RAB27B: variants seen among roughly 807,000 people sequenced by gnomAD.
RAB27B encodes ras-related protein Rab-27B.
A neutral mutation model predicts 24.6 loss-of-function variants in RAB27B; 15 were observed. The observed-to-expected ratio is 0.61, with a 90% CI of 0.41 to 0.94. The LOEUF is 0.94. Ranked by LOEUF, RAB27B falls within the 40% of genes least tolerant of loss-of-function variation. The pLI, the probability that RAB27B is intolerant of heterozygous loss-of-function variation, is 0.00. For synonymous variants in RAB27B, 105 were observed against 92.5 expected (o/e 1.14, Z -0.78); for missense variants, 261 against 266.8 (o/e 0.98, Z 0.15).
At chr18:54,782,122 T>C (rs1316097931) in intron 2 of RAB27B, among the ~76,000 whole-genome samples, 1 of 152,234 alleles carries the variant, frequency 6.6e-6, no homozygotes, top group African/African-American at 2.4e-5. Flanking sequence ...TAACATTCCA[T>C]TGTGCTCAGG....
At chr18:54,868,599 G>C (rs1322058931) in intron 1 of RAB27B, among the ~76,000 whole-genome samples, 1 of 56,648 alleles carries the variant, frequency 1.8e-5, no homozygotes, top group Non-Finnish European at 4.1e-5. Flanking sequence ...TAAACTCTCA[G>C]TTTCGTTGTT....
At chr18:54,841,163 G>A (rs1400821267) in intron 1 of RAB27B, among the ~76,000 whole-genome samples, 1 of 122,164 alleles carries the variant, frequency 8.2e-6, no homozygotes, top group African/African-American at 2.8e-5. Context: ...GCGGGGCGGT[G>A]GGGGGTTTGG....
intron 2 of RAB27B, among the ~76,000 whole-genome samples, chr18:54,785,900 G>T (rs1055558994): frequency 7.2e-5 from 11 of 152,166 alleles, no homozygotes; most frequent in African/African-American, 2.4e-4. Flanking sequence ...TTATCTTTCA[G>T]TTGTGACTAT....
At chr18:54,746,510 G>T (rs531431051) in intron 2 of RAB27B, among the ~76,000 whole-genome samples, 2 of 152,140 alleles carry the variant, frequency 1.3e-5, no homozygotes, top group South Asian at 4.1e-4. Flanking sequence ...ATTTTATACA[G>T]ATCAGAGATG....
intron 1 of RAB27B, among the ~76,000 whole-genome samples, chr18:54,873,477 A>G (rs1912558776): frequency 6.6e-6 from 1 of 152,208 alleles, no homozygotes; most frequent in Admixed American, 6.5e-5. Flanking sequence ...CAGTCATTGT[A>G]CAGGAATAAA....
At chr18:54,841,154 C>CAG (rs1555662075) in intron 1 of RAB27B, among the ~76,000 whole-genome samples, 2 of 8,642 alleles carry the variant, frequency 2.3e-4, no homozygotes, top group Non-Finnish European at 8.3e-4. Context: ...CTTTGGGTGG[C>CAG]GGGGCGGTGG....
intron 2 of RAB27B, among the ~76,000 whole-genome samples, chr18:54,793,063 G>C (rs1373811596): frequency 6.7e-6 from 1 of 150,092 alleles, no homozygotes; most frequent in Non-Finnish European, 1.5e-5. Flanking sequence ...GACCCATGCA[G>C]TTCAAACCCC....
intron 2 of RAB27B, among the ~76,000 whole-genome samples, chr18:54,788,942 T>C (rs1015009472): frequency 1.3e-5 from 2 of 152,218 alleles, no homozygotes; most frequent in African/African-American, 4.8e-5. Context: ...ATATGTGTGA[T>C]TTTCAGTGTT....
chr18:54,831,259 C>A (rs867815441), intron 1 of RAB27B, among the ~76,000 whole-genome samples: 2 of 151,954 alleles, frequency 1.3e-5, no homozygotes, highest in South Asian at 2.1e-4. Flanking sequence ...TGGAATGATC[C>A]ATGTAGATAT....
intron 1 of RAB27B, among the ~76,000 whole-genome samples, chr18:54,850,619 G>A (rs1478795871): frequency 6.6e-6 from 1 of 151,098 alleles, no homozygotes; most frequent in African/African-American, 2.4e-5. Flanking sequence ...ACCTATCCTG[G>A]CCTCCCAAAG....
At chr18:54,870,425 T>TA (rs1162476254) in intron 1 of RAB27B, among the ~76,000 whole-genome samples, 11 of 152,050 alleles carry the variant, frequency 7.2e-5, no homozygotes. Context: ...GGGAAAACAC[T>TA]AAAAAAATTT....
At chr18:54,753,112 A>G (rs1047132006) in intron 2 of RAB27B, among the ~76,000 whole-genome samples, 2 of 152,146 alleles carry the variant, frequency 1.3e-5, no homozygotes, top group African/African-American at 4.8e-5. Context: ...ACCTTGGAAG[A>G]GCCATCACAG....
At chr18:54,887,854 A>G in intron 4 of RAB27B, 141 bp from the exon 5 acceptor site, 2 of 870,374 alleles carry the variant, frequency 2.3e-6, no homozygotes, top group Non-Finnish European at 3.4e-6. Context: ...GTGACTGGGA[A>G]GAGGAAGTAA....
Position 54,763,198 on chromosome 18 carries a change from T to C in RAB27B, c.-20+45057T>C, listed in dbSNP as rs143429516. On this transcript the variant is annotated intron_variant, in intron 2 of 4. Coordinates refer to the RAB27B transcript ENST00000586570. ...AGTAAGGGAGGGTAAGGGAAAGCAATCTAAAGTGAGAGTATTATGGTTCAC... is the reference window on the plus strand; with the variant it reads ...AGTAAGGGAGGGTAAGGGAAAGCAACCTAAAGTGAGAGTATTATGGTTCAC... 1.8e-3 allele frequency among the ~76,000 whole-genome samples: 277 copies of C among 152,266 alleles called. 1 individual carries two copies. In the South Asian group the frequency reaches 0.018, roughly 10 times the overall value.
chr18:54,749,926 A>G (rs966132020), intron 2 of RAB27B, among the ~76,000 whole-genome samples: 1 of 152,162 alleles, frequency 6.6e-6, no homozygotes, highest in African/African-American at 2.4e-5. Flanking sequence ...TTGGACTTTT[A>G]AAAATAAATA....
chr18:54,763,742 C>T (rs1908270841), intron 2 of RAB27B, among the ~76,000 whole-genome samples: 1 of 152,110 alleles, frequency 6.6e-6, no homozygotes, highest in African/African-American at 2.4e-5. Flanking sequence ...AATCCCTGTG[C>T]CTTACTTGTT....
At chr18:54,846,864 G>T (rs1911361209) in intron 1 of RAB27B, among the ~76,000 whole-genome samples, 1 of 152,018 alleles carries the variant, frequency 6.6e-6, no homozygotes, top group Non-Finnish European at 1.5e-5. Flanking sequence ...TTGTTTGTTT[G>T]TTTTGAGACA....
intron 2 of RAB27B, among the ~76,000 whole-genome samples, chr18:54,758,833 T>C (rs1280273058): frequency 6.6e-6 from 1 of 152,056 alleles, no homozygotes; most frequent in Non-Finnish European, 1.5e-5. Flanking sequence ...GGAGACTGGG[T>C]GTCTTGTCCC....
At chr18:54,781,835 G>A (rs1436622243) in intron 2 of RAB27B, among the ~76,000 whole-genome samples, 7 of 152,126 alleles carry the variant, frequency 4.6e-5, no homozygotes, top group Non-Finnish European at 1.0e-4. Context: ...GCTACTGATA[G>A]GACTACTCTG....
Sources: gnomAD v4.1 joint callset for allele counts (sites outside exome capture counted in the v4.1 genomes callset) on GRCh38, gnomAD v4.1.1 for gene constraint, MANE v1.5 for transcripts, NCBI Gene and HGNC (gene_info 2026-07-23, HGNC 2026-07-21) for gene names.